SLC28A1: variants seen among roughly 807,000 people sequenced by gnomAD.
The protein encoded by SLC28A1 is solute carrier family 28 member 1.
In SLC28A1, 64 loss-of-function variants were observed where a neutral mutation model predicts 74.8. That is an observed-to-expected ratio of 0.86 (90% CI 0.70 to 1.05). The LOEUF (loss-of-function observed/expected upper bound fraction) is 1.05. Among genes scored for constraint, SLC28A1 ranks in the 50% least tolerant of loss-of-function variants. The pLI, the probability that SLC28A1 is intolerant of heterozygous loss-of-function variation, is 0.00. For missense variants in SLC28A1, 828 were observed against 822.8 expected, an observed-to-expected ratio of 1.01 and a Z score of -0.08; for synonymous variants, 359 against 335.0, an observed-to-expected ratio of 1.07 and a Z score of -0.78.
intron 11 of SLC28A1, among the ~76,000 whole-genome samples, chr15:84,922,122 G>C (rs1038028301): frequency 3.3e-5 from 5 of 152,080 alleles, no homozygotes; most frequent in Non-Finnish European, 5.9e-5. Flanking sequence ...CTTGTGGCAG[G>C]CCTGGGCCCT....
chr15:84,944,918 A>G, intron 18 of SLC28A1, 51 bp downstream of exon 18: 1 of 1,344,254 alleles, frequency 7.4e-7, no homozygotes, highest in Middle Eastern at 1.8e-4. Context: ...GATAGACAGA[A>G]TGCCTGAGCG....
chr15:84,900,927 A>G (rs1381411009), intron 6 of SLC28A1, among the ~76,000 whole-genome samples: 1 of 142,222 alleles, frequency 7.0e-6, no homozygotes, highest in East Asian at 1.9e-4. Flanking sequence ...AGTTGATTAA[A>G]ATTTAATTAA....
At chr15:84,906,116 T>A (rs1482461819) in intron 8 of SLC28A1, among the ~76,000 whole-genome samples, 2 of 151,368 alleles carry the variant, frequency 1.3e-5, no homozygotes, top group Non-Finnish European at 2.9e-5. Flanking sequence ...ACCTCCCTGG[T>A]TCAAGCAATT....
At chr15:84,907,402 C>T (rs1252017704) in intron 8 of SLC28A1, among the ~76,000 whole-genome samples, 2 of 152,162 alleles carry the variant, frequency 1.3e-5, no homozygotes, top group Non-Finnish European at 2.9e-5. Flanking sequence ...CAAGGCTGGT[C>T]TTGAAGTCCT....
the SLC28A1 span, among the ~76,000 whole-genome samples, chr15:84,955,491 G>A: frequency 5.6e-4 from 85 of 152,244 alleles, no homozygotes; most frequent in Admixed American, 3.6e-3. Flanking sequence ...TGGAACACTC[G>A]CGCTGCAGTC....
At chr15:84,950,132 C>T (rs896370), downstream of SLC28A1, among the ~76,000 whole-genome samples, 134,814 of 152,210 alleles carry the variant, frequency 0.89, 59,814 homozygotes, top group East Asian at 0.96. Flanking sequence ...AGGAAAGAGA[C>T]TCTGCAAGGA....
chr15:84,890,537 G>T lies in SLC28A1; in HGVS notation c.277+3G>T. The T allele has an allele frequency of 6.2e-7, 1 of 1,608,150 alleles. No homozygotes were observed. ...CGGCACAGGCCTGCTCTGCACTGGT[G>T]AGCCTGGGGCCCAGCACTACCCAGG... On this transcript the variant is annotated splice_donor_region_variant and intron_variant, in intron 5 of 18. Transcript: ENST00000394573.
At chr15:84,900,422 A>G (rs7175537) in intron 6 of SLC28A1, among the ~76,000 whole-genome samples, 2,886 of 122,580 alleles carry the variant, frequency 0.024, 92 homozygotes, top group African/African-American at 0.071. Flanking sequence ...AAAAAAAAAA[A>G]AAGAAGAAGA....
At chr15:84,971,698 G>A in the SLC28A1 span, among the ~76,000 whole-genome samples, 2 of 149,160 alleles carry the variant, frequency 1.3e-5, no homozygotes, top group Non-Finnish European at 3.0e-5. Flanking sequence ...CACCCAGGCT[G>A]GAGTACACTG....
At chr15:84,895,235 A>G in intron 6 of SLC28A1, 112 bp downstream of exon 6, 1 of 1,575,440 alleles carries the variant, frequency 6.3e-7, no homozygotes, top group Non-Finnish European at 8.7e-7. Context: ...TGTCATGGAG[A>G]ACTCTCTGGC....
chr15:84,890,020 G>C (rs1232783005), intron 4 of SLC28A1, among the ~76,000 whole-genome samples: 1 of 151,984 alleles, frequency 6.6e-6, no homozygotes, highest in African/African-American at 2.4e-5. Flanking sequence ...GTTTTTGGTA[G>C]AGAAGGGGTT....
chr15:84,959,320 G>C, the SLC28A1 span, among the ~76,000 whole-genome samples: 1 of 151,854 alleles, frequency 6.6e-6, no homozygotes, highest in East Asian at 2.0e-4. Flanking sequence ...GGCCAGGCTG[G>C]TCTCAAACTC....
chr15:84,952,553 T>A, the SLC28A1 span, among the ~76,000 whole-genome samples: 3 of 152,184 alleles, frequency 2.0e-5, no homozygotes, highest in South Asian at 6.2e-4. Context: ...AAGGACACAT[T>A]TTTATCCCAG....
At chr15:84,940,171 C>T (rs966051934) in intron 15 of SLC28A1, among the ~76,000 whole-genome samples, 18 of 152,140 alleles carry the variant, frequency 1.2e-4, no homozygotes, top group African/African-American at 3.9e-4. Flanking sequence ...TTTGTGTAAG[C>T]TGCATCAGAG....
At chr15:84,962,814 C>T in the SLC28A1 span, among the ~76,000 whole-genome samples, 1 of 152,168 alleles carries the variant, frequency 6.6e-6, no homozygotes, top group African/African-American at 2.4e-5. Context: ...AGGTCTCAAA[C>T]CTTGACTCTA....
chr15:84,932,796 C>T (rs1312755652), intron 12 of SLC28A1, among the ~76,000 whole-genome samples: 1 of 152,194 alleles, frequency 6.6e-6, no homozygotes, highest in Non-Finnish European at 1.5e-5. Flanking sequence ...GAACCTTGAA[C>T]TTGGAGCCAA....
chr15:84,890,412 C>G, intron 4 of SLC28A1, 31 bp from the exon 5 acceptor site: 1 of 1,531,788 alleles, frequency 6.5e-7, no homozygotes, highest in Non-Finnish European at 9.0e-7. Flanking sequence ...TCTGCTCATG[C>G]ACTCATGGAC....
intron 9 of SLC28A1, among the ~76,000 whole-genome samples, chr15:84,909,018 A>G (rs1337937155): frequency 2.3e-5 from 3 of 129,046 alleles, no homozygotes; most frequent in Non-Finnish European, 4.8e-5. Context: ...AATTTGCAAA[A>G]GTAAGATATT....
At chr15:84,960,294 C>A in the SLC28A1 span, among the ~76,000 whole-genome samples, 1 of 125,200 alleles carries the variant, frequency 8.0e-6, no homozygotes, top group Admixed American at 9.1e-5. Flanking sequence ...CTTGCTCTGT[C>A]GCCCAGGCTG....
Sources: gnomAD v4.1 joint callset for allele counts (sites outside exome capture counted in the v4.1 genomes callset) on GRCh38, gnomAD v4.1.1 for gene constraint, MANE v1.5 for transcripts, NCBI Gene and HGNC (gene_info 2026-07-23, HGNC 2026-07-21) for gene names.